DAB1: variants seen among roughly 807,000 people sequenced by gnomAD.
DAB1 encodes the protein DAB adaptor protein 1.
DAB1 carries 15 observed loss-of-function variants against 64.6 expected under a neutral mutation model. That is an observed-to-expected ratio of 0.23 (90% CI 0.16 to 0.36). DAB1 has a LOEUF of 0.36. DAB1 is among the 10% of genes least tolerant of loss of function. The pLI, the probability that DAB1 is intolerant of heterozygous loss-of-function variation, is 1.00. For synonymous variants in DAB1, 235 were observed against 251.9 expected, an observed-to-expected ratio of 0.93 and a Z score of 0.64; for missense variants, 596 against 706.7, an observed-to-expected ratio of 0.84 and a Z score of 1.78.
intron 2 of DAB1, among the ~76,000 whole-genome samples, chr1:58,524,577 T>C (rs1053496510): frequency 3.3e-5 from 5 of 152,264 alleles, no homozygotes; most frequent in African/African-American, 1.2e-4. Context: ...TCATGCTTGC[T>C]GGTAGAGTTG....
chr1:58,354,071 A>G (rs953323979), intron 3 of DAB1, among the ~76,000 whole-genome samples: 1 of 152,130 alleles, frequency 6.6e-6, no homozygotes, highest in Non-Finnish European at 1.5e-5. Context: ...CCAGATGCTC[A>G]GCCTGATACC....
chr1:57,272,116 T>C (rs1400653388), intron 2 of DAB1, among the ~76,000 whole-genome samples: 1 of 152,166 alleles, frequency 6.6e-6, no homozygotes, highest in Non-Finnish European at 1.5e-5. Context: ...GATTTTCTAG[T>C]GCGGGGCTCC....
At chr1:57,498,252 T>A (rs1324579802) in intron 7 of DAB1, among the ~76,000 whole-genome samples, 2 of 152,184 alleles carry the variant, frequency 1.3e-5, no homozygotes, top group East Asian at 3.9e-4. Context: ...AATGTGGGTC[T>A]AGAGCTCAGG....
intron 7 of DAB1, among the ~76,000 whole-genome samples, chr1:57,500,920 G>A (rs1207197664): frequency 6.6e-6 from 1 of 152,066 alleles, no homozygotes; most frequent in African/African-American, 2.4e-5. Context: ...CAAATTCTAG[G>A]GTTAATTGAA....
chr1:58,061,145 C>CA (rs1376475784), intron 5 of DAB1, among the ~76,000 whole-genome samples: 1 of 152,210 alleles, frequency 6.6e-6, no homozygotes, highest in Non-Finnish European at 1.5e-5. Flanking sequence ...CTCAACACCT[C>CA]AGAGTATCAG....
In DAB1 at chr1:57,088,878, G is replaced by A. The variant is rs188045838; in HGVS notation, c.307-16464C>T. On this transcript the variant is annotated intron_variant, in intron 4 of 14. Transcript: ENST00000371236. ...ACCTATAGCTTGAGATGCAGGCCCC[G>A]GCTTTAAGTGCCTTACACATTCTTT... Among the ~76,000 whole-genome samples the A allele has an allele frequency of 1.6e-4, 24 of 152,324 alleles. No individual in the cohort carries two copies. In the East Asian group the frequency reaches 2.1e-3, roughly 13 times the overall value.
chr1:58,220,991 ATTTTTTTT>A (rs10714614), intron 4 of DAB1, among the ~76,000 whole-genome samples: 4 of 122,168 alleles, frequency 3.3e-5, no homozygotes, highest in Admixed American at 2.4e-4. Flanking sequence ...TATGAGATTG[ATTTTTTTT>A]TTTTTTTTTT....
chr1:57,082,598 T>G (rs977508581), intron 4 of DAB1, among the ~76,000 whole-genome samples: 1 of 152,192 alleles, frequency 6.6e-6, no homozygotes, highest in African/African-American at 2.4e-5. Flanking sequence ...TAGGTAAAAG[T>G]GTACCATGGT....
At chr1:57,038,277 C>T (rs1483355410) in intron 9 of DAB1, among the ~76,000 whole-genome samples, 2 of 152,144 alleles carry the variant, frequency 1.3e-5, no homozygotes, top group Non-Finnish European at 2.9e-5. Context: ...TTTGCAAAAG[C>T]AGCCGACTTC....
intron 7 of DAB1, among the ~76,000 whole-genome samples, chr1:57,605,251 T>C (rs1243601161): frequency 6.6e-6 from 1 of 152,214 alleles, no homozygotes. Flanking sequence ...TCCCAGTAGA[T>C]TGTGAGAGTC....
intron 4 of DAB1, among the ~76,000 whole-genome samples, chr1:58,243,605 T>C (rs998876030): frequency 3.9e-5 from 6 of 152,140 alleles, no homozygotes; most frequent in African/African-American, 1.4e-4. Context: ...CAAGTAATGA[T>C]CACCTCCTTG....
intron 6 of DAB1, among the ~76,000 whole-genome samples, chr1:57,703,411 G>A (rs1646930625): frequency 6.6e-6 from 1 of 152,128 alleles, no homozygotes; most frequent in Admixed American, 6.6e-5. Context: ...AGACATACAT[G>A]CATCCAACAA....
intron 6 of DAB1, among the ~76,000 whole-genome samples, chr1:57,757,090 T>C (rs964778313): frequency 6.6e-6 from 1 of 152,094 alleles, no homozygotes; most frequent in Non-Finnish European, 1.5e-5. Flanking sequence ...AAGAATCATC[T>C]GGGAATCTTG....
At chr1:57,510,861 C>A (rs528993757) in intron 7 of DAB1, among the ~76,000 whole-genome samples, 1 of 152,290 alleles carries the variant, frequency 6.6e-6, no homozygotes, top group South Asian at 2.1e-4. Flanking sequence ...TCACTGCATC[C>A]TCGAACTCCC....
At chr1:57,960,840 G>C (rs1645503156) in intron 5 of DAB1, among the ~76,000 whole-genome samples, 1 of 152,262 alleles carries the variant, frequency 6.6e-6, no homozygotes. Flanking sequence ...GAGGAGAACA[G>C]ACCCCAGCCT....
intron 6 of DAB1, among the ~76,000 whole-genome samples, chr1:57,739,846 G>T (rs975283737): frequency 6.6e-6 from 1 of 151,840 alleles, no homozygotes; most frequent in African/African-American, 2.4e-5. Context: ...ATGGGTTTAA[G>T]AATCTAGTCA....
rs150295953 is a variant in DAB1, at chr1:58,305,823, C to T, written n.309+37529G>A. Among the ~76,000 whole-genome samples the T allele has an allele frequency of 4.3e-3, 652 of 152,266 alleles. 6 individuals are homozygous for T. Among genetic ancestry groups the T allele is most frequent in the African/African-American group, 0.015 (618 of 41,562 alleles). On this transcript the variant is annotated intron_variant and non_coding_transcript_variant, in intron 4 of 20. Transcript: ENST00000485760. ...CAAAATCACCAATGTGCAAAGAATGCCTTGAACAGGCCACATGGAAAGCTC... is the reference window on the plus strand; with the variant it reads ...CAAAATCACCAATGTGCAAAGAATGTCTTGAACAGGCCACATGGAAAGCTC...
At chr1:57,475,574 T>C (rs1035692648) in intron 7 of DAB1, among the ~76,000 whole-genome samples, 1 of 152,238 alleles carries the variant, frequency 6.6e-6, no homozygotes, top group Non-Finnish European at 1.5e-5. Context: ...CGTCACCATA[T>C]GGCTCTGTGC....
rs370441313 is a variant in DAB1, at chr1:57,259,254, C to T, written c.67+31710G>A. 6.0e-4 allele frequency among the ~76,000 whole-genome samples: 91 copies of T among 152,244 alleles called. 1 individual carries two copies. In the South Asian group the frequency reaches 0.016, roughly 27 times the overall value. On this transcript the variant is annotated intron_variant, in intron 2 of 14. Coordinates refer to ENST00000371236, the MANE Select transcript of DAB1 (RefSeq NM_001365792.1). ...TAAGACCAGCTGGGGAGAGAGAACA[C>T]AGGCACAGCCCTTGTCCTCAGAAGA...
Sources: gnomAD v4.1 joint callset for allele counts (sites outside exome capture counted in the v4.1 genomes callset) on GRCh38, gnomAD v4.1.1 for gene constraint, MANE v1.5 for transcripts, NCBI Gene and HGNC (gene_info 2026-07-23, HGNC 2026-07-21) for gene names.